Variants in CNBD1 observed in about 807,000 individuals in gnomAD.
CNBD1 encodes cyclic nucleotide binding domain containing 1.
Under a neutral mutation model 54.4 loss-of-function variants are expected in CNBD1, and 71 were observed. The observed-to-expected ratio is 1.30, with a 90% CI of 1.08 to 1.59. CNBD1 has a LOEUF of 1.59. Among genes scored for constraint, CNBD1 ranks in the 40% most tolerant of loss-of-function variants. The pLI is 0.00. For synonymous variants in CNBD1, 182 were observed against 170.7 expected (o/e 1.07, Z -0.51); for missense variants, 659 against 518.0 (o/e 1.27, Z -2.64).
At chr8:87,381,612 T>G (rs1811076578) in intron 10 of CNBD1, among the ~76,000 whole-genome samples, 1 of 151,962 alleles carries the variant, frequency 6.6e-6, no homozygotes, top group African/African-American at 2.4e-5. Flanking sequence ...AGCTAATATG[T>G]GGGAAATCTA....
chr8:87,298,780 G>A (rs545217205), intron 8 of CNBD1, among the ~76,000 whole-genome samples: 3 of 152,066 alleles, frequency 2.0e-5, no homozygotes, highest in East Asian at 1.9e-4. Flanking sequence ...CACCATGCCC[G>A]GCCCAAATGT....
At chr8:87,386,706 TC>T (rs1302050615), downstream of CNBD1, among the ~76,000 whole-genome samples, 1 of 152,052 alleles carries the variant, frequency 6.6e-6, no homozygotes, top group Non-Finnish European at 1.5e-5. Flanking sequence ...CAGGAGAACT[TC>T]CCCAATGTAG....
intron 10 of CNBD1, among the ~76,000 whole-genome samples, chr8:87,361,942 G>A (rs1283232245): frequency 6.6e-6 from 1 of 151,932 alleles, no homozygotes; most frequent in Non-Finnish European, 1.5e-5. Context: ...AATTATAAAT[G>A]TATACACTTC....
intron 10 of CNBD1, among the ~76,000 whole-genome samples, chr8:87,371,451 G>C (rs1397337306): frequency 2.6e-5 from 4 of 151,930 alleles, no homozygotes; most frequent in Non-Finnish European, 5.9e-5. Context: ...CACGTCCCTT[G>C]TAATTTGGAT....
chr8:87,212,832 CAAAG>C (rs1250913831), intron 5 of CNBD1, among the ~76,000 whole-genome samples: 2 of 151,820 alleles, frequency 1.3e-5, no homozygotes, highest in Admixed American at 6.6e-5. Flanking sequence ...GTACAAGAGA[CAAAG>C]AAAAAATTGA....
intron 10 of CNBD1, among the ~76,000 whole-genome samples, chr8:87,382,038 A>G (rs1811087399): frequency 6.6e-6 from 1 of 151,996 alleles, no homozygotes; most frequent in Non-Finnish European, 1.5e-5. Flanking sequence ...TAAAAAATAA[A>G]TAGAAGAGTG....
At chr8:87,162,962 A>AT (rs1737579712) in intron 4 of CNBD1, among the ~76,000 whole-genome samples, 1 of 151,958 alleles carries the variant, frequency 6.6e-6, no homozygotes, top group South Asian at 2.1e-4. Context: ...AGTTTGTCTC[A>AT]TTTTTCCTTT....
intron 3 of CNBD1, among the ~76,000 whole-genome samples, chr8:86,929,504 G>C (rs574421062): frequency 6.6e-6 from 1 of 152,132 alleles, no homozygotes; most frequent in Non-Finnish European, 1.5e-5. Flanking sequence ...TGGTATATAG[G>C]TTAAGGTCAG....
chr8:86,967,133 C>G (rs1173549330), intron 4 of CNBD1, among the ~76,000 whole-genome samples: 1 of 152,180 alleles, frequency 6.6e-6, no homozygotes, highest in Non-Finnish European at 1.5e-5. Context: ...GGAGAGAGGC[C>G]AGGCAGCCAG....
intron 6 of CNBD1, among the ~76,000 whole-genome samples, chr8:87,282,544 C>T (rs910234723): frequency 2.6e-5 from 4 of 151,536 alleles, no homozygotes; most frequent in Non-Finnish European, 5.9e-5. Context: ...TTAAGATAAC[C>T]ATATTTACAG....
At chr8:87,288,367 C>T (rs1352711777) in intron 8 of CNBD1, among the ~76,000 whole-genome samples, 2 of 151,968 alleles carry the variant, frequency 1.3e-5, no homozygotes, top group Non-Finnish European at 1.5e-5. Context: ...CCTTGCCTCT[C>T]TTCCATGCTT....
In CNBD1 at chr8:87,073,416, C is replaced by T. The variant is rs898514043; in HGVS notation, c.432-132577C>T. ...GAGTTTTTACATTTTTACATTGATT[C>T]GTTCTTATCTTTGTGAGCTTATCCA... On this transcript the variant is annotated intron_variant, in intron 4 of 10. Coordinates refer to ENST00000518476, the MANE Select transcript of CNBD1 (RefSeq NM_173538.3). Among the ~76,000 whole-genome samples, 9 of 152,010 alleles carry T rather than the reference C, an allele frequency of 5.9e-5. No individual in the cohort carries two copies. The East Asian group carries it at 9.7e-4, about 16-fold the overall frequency.
intron 10 of CNBD1, among the ~76,000 whole-genome samples, chr8:87,370,669 T>C (rs893547848): frequency 2.6e-5 from 4 of 151,148 alleles, no homozygotes; most frequent in Non-Finnish European, 4.4e-5. Context: ...TTCTCCCATT[T>C]TGTAGGTTGC....
downstream of CNBD1, among the ~76,000 whole-genome samples, chr8:87,383,680 A>G (rs1194159507): frequency 6.6e-6 from 1 of 152,134 alleles, no homozygotes; most frequent in Non-Finnish European, 1.5e-5. Flanking sequence ...GCAATTCTCA[A>G]GTAAAAAATT....
At chr8:87,301,862 C>G (rs193225188) in intron 8 of CNBD1, among the ~76,000 whole-genome samples, 8 of 152,270 alleles carry the variant, frequency 5.3e-5, no homozygotes, top group Middle Eastern at 3.4e-3. Context: ...ATAAACACCT[C>G]TATGCAAATA....
intron 4 of CNBD1, among the ~76,000 whole-genome samples, chr8:87,008,380 A>G (rs192786759): frequency 6.6e-6 from 1 of 152,286 alleles, no homozygotes; most frequent in Non-Finnish European, 1.5e-5. Context: ...AGTGAATATC[A>G]CAGTACTGAT....
At chr8:87,382,371 A>G (rs935026403) in intron 10 of CNBD1, among the ~76,000 whole-genome samples, 3 of 151,996 alleles carry the variant, frequency 2.0e-5, no homozygotes, top group East Asian at 3.9e-4. Flanking sequence ...GTTAGAAGAG[A>G]GGATCAAATC....
At chr8:86,976,903 T>C (rs1301929915) in intron 4 of CNBD1, among the ~76,000 whole-genome samples, 5 of 152,062 alleles carry the variant, frequency 3.3e-5, no homozygotes, top group Admixed American at 2.6e-4. Context: ...CTAAGTTTGC[T>C]TATGAGTTTT....
intron 4 of CNBD1, among the ~76,000 whole-genome samples, chr8:86,988,000 C>T (rs530232072): frequency 4.1e-4 from 63 of 152,138 alleles, no homozygotes; most frequent in South Asian, 1.0e-3. Flanking sequence ...ATCAGGCTGA[C>T]GCTAGCTTAA....
Sources: allele counts gnomAD v4.1 joint callset (sites outside exome capture counted in the v4.1 genomes callset), GRCh38; gene constraint gnomAD v4.1.1; transcripts MANE v1.5; gene names NCBI Gene and HGNC (gene_info 2026-07-23, HGNC 2026-07-21).